BUB1B: variants seen among roughly 807,000 people sequenced by gnomAD.
The protein encoded by BUB1B is mitotic checkpoint serine/threonine-protein kinase BUB1 beta.
In BUB1B, 86 loss-of-function variants were observed where a neutral mutation model predicts 137.7. The ratio of observed to expected loss-of-function variants is 0.62; its 90% CI spans 0.52 to 0.75. The LOEUF is 0.75. BUB1B is among the 30% of genes least tolerant of loss of function. The pLI, the probability that BUB1B is intolerant of heterozygous loss-of-function variation, is 0.00. For synonymous variants in BUB1B, 420 were observed against 417.9 expected, an observed-to-expected ratio of 1.00 and a Z score of -0.06; for missense variants, 1,130 against 1,236.9, an observed-to-expected ratio of 0.91 and a Z score of 1.30.
rs1185877232 is a variant in BUB1B at position 40,165,207 on chromosome 15, T to C, written c.179+11T>C. ...TCAGCAGCAGAAACGGTGTGTAGAA[T>C]GGCTGAGTCTCAACCTGTCGTCATT... On this transcript the variant is annotated intron_variant, in intron 2 of 22. Transcript: ENST00000287598. The C allele has an allele frequency of 6.2e-7, 1 of 1,614,150 alleles. No individual in the cohort carries two copies.
At chr15:40,202,184 G>A (rs1213733306) in intron 12 of BUB1B, among the ~76,000 whole-genome samples, 1 of 152,152 alleles carries the variant, frequency 6.6e-6, no homozygotes, top group Non-Finnish European at 1.5e-5. Context: ...GGTTTGGGGA[G>A]TAGTGACAGT....
chr15:40,183,813 A>G lies in BUB1B; in HGVS notation c.681A>G (p.Leu227=). ...CTTCTGTACCACAACGAAGCACACT[A>G]GCTGAACTAAAGAGCAAAGGGAAAA... ...FESSVPQRST[L]AELKSKGKKT... is the part of the protein sequence containing the mutation. The change falls in exon 6 of 23, where the codon CTA becomes CTG. Residue 227 remains leucine, a synonymous_variant. Coordinates refer to ENST00000287598, the MANE Select transcript of BUB1B (RefSeq NM_001211.6). 1 of 1,614,170 alleles carries G rather than the reference A, an allele frequency of 6.2e-7. No homozygotes were observed. The highest frequency in any genetic ancestry group is 8.5e-7 in the Non-Finnish European group (1 of 1,180,004).
At chr15:40,194,071 T>A (rs1217020777) in intron 8 of BUB1B, among the ~76,000 whole-genome samples, 1 of 152,212 alleles carries the variant, frequency 6.6e-6, no homozygotes, top group Non-Finnish European at 1.5e-5. Flanking sequence ...TGAAGTATTT[T>A]ACTATTTTTG....
At chr15:40,167,661 T>C (rs1325754205) in intron 2 of BUB1B, among the ~76,000 whole-genome samples, 1 of 152,182 alleles carries the variant, frequency 6.6e-6, no homozygotes, top group Admixed American at 6.5e-5. Flanking sequence ...TTAGCTTTTA[T>C]GTTTAGGTGT....
chr15:40,171,505 C>T (rs1403593378), intron 4 of BUB1B, among the ~76,000 whole-genome samples: 4 of 152,122 alleles, frequency 2.6e-5, no homozygotes, highest in African/African-American at 9.7e-5. Context: ...TGAGATTGCA[C>T]CACTGTCCGC....
intron 8 of BUB1B, among the ~76,000 whole-genome samples, chr15:40,192,309 C>A (rs937689720): frequency 2.6e-5 from 4 of 152,066 alleles, no homozygotes; most frequent in Non-Finnish European, 4.4e-5. Flanking sequence ...CACCCCTCAA[C>A]CCTGTACACA....
At chr15:40,189,379 C>T (rs2037409106) in intron 8 of BUB1B, among the ~76,000 whole-genome samples, 2 of 152,224 alleles carry the variant, frequency 1.3e-5, no homozygotes, top group Admixed American at 6.5e-5. Context: ...AGGCTGGTCT[C>T]AAACTCCTGA....
At chr15:40,210,970 T>C (rs2037703584) in intron 18 of BUB1B, among the ~76,000 whole-genome samples, 1 of 152,238 alleles carries the variant, frequency 6.6e-6, no homozygotes, top group Non-Finnish European at 1.5e-5. Context: ...GCCATTTCAA[T>C]CTGTTAATTC....
At chr15:40,171,211 A>G (rs1428207217) in intron 4 of BUB1B, among the ~76,000 whole-genome samples, 5 of 152,172 alleles carry the variant, frequency 3.3e-5, no homozygotes, top group Non-Finnish European at 5.9e-5. Flanking sequence ...TGCTGGGATT[A>G]TAGGCGTGAG....
chr15:40,196,467 A>G, intron 8 of BUB1B, 78 bp from the exon 9 acceptor site: 1 of 1,331,338 alleles, frequency 7.5e-7, no homozygotes, highest in Non-Finnish European at 1.1e-6. Flanking sequence ...CTTGTAAATT[A>G]TTTTTAGCTT....
chr15:40,193,998 C>T (rs2037468726), intron 8 of BUB1B, among the ~76,000 whole-genome samples: 1 of 152,010 alleles, frequency 6.6e-6, no homozygotes, highest in Admixed American at 6.5e-5. Flanking sequence ...GCTGGAATTA[C>T]AGGCCACTGT....
At chr15:40,196,963 T>C (rs1160673330) in intron 9 of BUB1B, among the ~76,000 whole-genome samples, 189 bp downstream of exon 9, 2 of 152,210 alleles carry the variant, frequency 1.3e-5, no homozygotes, top group African/African-American at 4.8e-5. Context: ...TGTTTCTGTG[T>C]ATCAGCCAAA....
chr15:40,162,598 A>G (rs1487895560), intron 1 of BUB1B, among the ~76,000 whole-genome samples: 1 of 152,228 alleles, frequency 6.6e-6, no homozygotes, highest in East Asian at 1.9e-4. Flanking sequence ...AGGTAGAACC[A>G]GTAGGACTTG....
intron 8 of BUB1B, among the ~76,000 whole-genome samples, chr15:40,195,618 G>A (rs760645742): frequency 1.7e-4 from 26 of 152,116 alleles, no homozygotes; most frequent in Non-Finnish European, 3.4e-4. Flanking sequence ...ACGTGTTCCC[G>A]TTTCACCACA....
intron 1 of BUB1B, among the ~76,000 whole-genome samples, chr15:40,162,131 G>C (rs1420608325): frequency 6.6e-6 from 1 of 152,184 alleles, no homozygotes; most frequent in Non-Finnish European, 1.5e-5. Context: ...TTGAACACTG[G>C]AGTCTCACTG....
chr15:40,216,943 T>C (rs1328166653), intron 20 of BUB1B, among the ~76,000 whole-genome samples: 1 of 152,136 alleles, frequency 6.6e-6, no homozygotes, highest in Non-Finnish European at 1.5e-5. Flanking sequence ...TAACTGGAAT[T>C]ACAAGTAAGA....
intron 8 of BUB1B, among the ~76,000 whole-genome samples, chr15:40,186,430 CTTTTTTTTTT>C (rs769074759): frequency 8.9e-5 from 6 of 67,358 alleles, no homozygotes; most frequent in African/African-American, 1.8e-4. Context: ...TTGCCTAGTT[CTTTTTTTTTT>C]TTTTTTTTTT....
At chr15:40,187,486 G>C (rs1226144119) in intron 8 of BUB1B, among the ~76,000 whole-genome samples, 1 of 151,954 alleles carries the variant, frequency 6.6e-6, no homozygotes, top group Non-Finnish European at 1.5e-5. Context: ...AACTACTCGA[G>C]TGGCTGAAGC....
intron 22 of BUB1B, 80 bp downstream of exon 22, chr15:40,218,642 G>T (rs186089175): frequency 1.5e-4 from 163 of 1,092,714 alleles, no homozygotes; most frequent in Middle Eastern, 9.8e-4. Context: ...TGCTTTGGCA[G>T]CCTTAGTTTT....
Sources: gnomAD v4.1 joint callset for allele counts (sites outside exome capture counted in the v4.1 genomes callset) on GRCh38, gnomAD v4.1.1 for gene constraint, MANE v1.5 for transcripts, NCBI Gene and HGNC (gene_info 2026-07-23, HGNC 2026-07-21) for gene names.